The following ATG5 variants were observed in gnomAD, a reference collection of about 807,000 sequenced individuals.
ATG5 encodes autophagy related 5, also known as autophagy protein 5.
A neutral mutation model predicts 36.5 loss-of-function variants in ATG5; 14 were observed. That is an observed-to-expected ratio of 0.38 (90% CI 0.25 to 0.60). The LOEUF (loss-of-function observed/expected upper bound fraction) is 0.60, where lower values mean the gene tolerates loss of function less well. Among genes scored for constraint, ATG5 ranks in the 20% least tolerant of loss-of-function variants. The pLI is 0.60. For synonymous variants in ATG5, 95 were observed against 101.5 expected (o/e 0.94, Z 0.38); for missense variants, 195 against 326.7 (o/e 0.60, Z 3.11).
intron 6 of ATG5, among the ~76,000 whole-genome samples, chr6:106,246,315 C>T (rs907378034): frequency 1.3e-5 from 2 of 151,788 alleles, no homozygotes; most frequent in African/African-American, 4.8e-5. Flanking sequence ...ATTCTCTACC[C>T]TCCCACTTTC....
chr6:106,211,290 G>A (rs183857072), intron 6 of ATG5, among the ~76,000 whole-genome samples: 5 of 152,322 alleles, frequency 3.3e-5, no homozygotes, highest in Admixed American at 2.0e-4. Context: ...GATGCACAAT[G>A]CACTGGGTTG....
intron 5 of ATG5, among the ~76,000 whole-genome samples, chr6:106,256,143 T>G (rs2114536836): frequency 6.6e-6 from 1 of 152,306 alleles, no homozygotes; most frequent in South Asian, 2.1e-4. Context: ...TTCACTGTAA[T>G]CTTTCCAACA....
At chr6:106,198,464 G>A (rs1164279349) in intron 7 of ATG5, among the ~76,000 whole-genome samples, 3 of 152,046 alleles carry the variant, frequency 2.0e-5, no homozygotes, top group African/African-American at 7.2e-5. Context: ...AAAATTAAAT[G>A]CTTTTATCCT....
intron 6 of ATG5, among the ~76,000 whole-genome samples, chr6:106,246,390 TCTCACACACACACACACA>T (rs1236541824): frequency 5.9e-4 from 67 of 113,522 alleles, no homozygotes; most frequent in Admixed American, 5.3e-3. Context: ...TCTCTCTCTC[TCTCACACACACACACACA>T]CACACACACA....
chr6:106,275,702 C>A (rs1285327406), intron 5 of ATG5, among the ~76,000 whole-genome samples: 1 of 152,080 alleles, frequency 6.6e-6, no homozygotes, highest in East Asian at 1.9e-4. Flanking sequence ...GTAATAAATG[C>A]AGTTATTAGA....
At chr6:106,284,629 A>G (rs1780004807) in intron 4 of ATG5, among the ~76,000 whole-genome samples, 1 of 152,156 alleles carries the variant, frequency 6.6e-6, no homozygotes, top group African/African-American at 2.4e-5. Context: ...TGCTGGGATT[A>G]TAGGCATGAG....
intron 5 of ATG5, among the ~76,000 whole-genome samples, chr6:106,273,123 TG>T (rs1325442075): frequency 3.3e-5 from 5 of 152,194 alleles, no homozygotes; most frequent in African/African-American, 9.7e-5. Context: ...AGTCTTTCAA[TG>T]AGAAAAAAGG....
intron 7 of ATG5, among the ~76,000 whole-genome samples, chr6:106,197,542 G>A (rs777579046): frequency 5.3e-5 from 8 of 150,018 alleles, no homozygotes; most frequent in African/African-American, 1.5e-4. Flanking sequence ...GGGGGCGGGG[G>A]TGGATCCCTC....
intron 5 of ATG5, among the ~76,000 whole-genome samples, chr6:106,263,393 G>A (rs1484501977): frequency 3.3e-5 from 5 of 152,234 alleles, no homozygotes; most frequent in African/African-American, 1.2e-4. Flanking sequence ...GCACCTGGGG[G>A]AAGGGGCGGC....
In ATG5 at chr6:106,205,101, A is replaced by G. The variant is rs560547212; in HGVS notation, c.574-3012T>C. ...TTTAGCAAAGGAAGTAATGTTGGTG[A>G]AAGGCTTTTTCTGACGACTAATGGA... On this transcript the variant is annotated intron_variant, in intron 6 of 7. Coordinates refer to ENST00000369076, the MANE Select transcript of ATG5 (RefSeq NM_004849.4). Among the ~76,000 whole-genome samples the G allele has an allele frequency of 1.4e-4, 21 of 152,344 alleles. No individual in the cohort carries two copies. In the South Asian group the frequency reaches 4.3e-3, roughly 32 times the overall value.
chr6:106,184,862 G>GA lies in ATG5; in HGVS notation c.*1677dup, dbSNP rs1420233619. The GA allele has an allele frequency of 2.0e-5, 3 of 152,246 alleles. No homozygotes were observed. The highest frequency in any genetic ancestry group is 2.9e-5 in the Non-Finnish European group (2 of 67,996). 9.4% of individuals were successfully genotyped at this position (152,246 alleles called of 1,614,324 possible). ...TTCAATCTGTCAAAACATCAAGGGG[G>GA]AAAATCCCCAAAATGAACCGACGAA... On this transcript the variant is annotated 3_prime_UTR_variant, in exon 8 of 8. Coordinates refer to ENST00000369076, the MANE Select transcript of ATG5 (RefSeq NM_004849.4).
chr6:106,228,741 A>G (rs1447945725), intron 6 of ATG5, among the ~76,000 whole-genome samples: 2 of 152,158 alleles, frequency 1.3e-5, no homozygotes, highest in African/African-American at 4.8e-5. Flanking sequence ...ATCCCTTAGA[A>G]TTGGAGGAAA....
chr6:106,245,487 G>A (rs996849364), intron 6 of ATG5, among the ~76,000 whole-genome samples: 1 of 151,984 alleles, frequency 6.6e-6, no homozygotes, highest in African/African-American at 2.4e-5. Context: ...TTTTTCATTT[G>A]TTCACTGAGG....
chr6:106,290,477 C>T (rs1402656028), intron 4 of ATG5, among the ~76,000 whole-genome samples: 6 of 151,282 alleles, frequency 4.0e-5, no homozygotes, highest in African/African-American at 1.2e-4. Flanking sequence ...CACACCACTG[C>T]GCCCAGCTAA....
intron 6 of ATG5, among the ~76,000 whole-genome samples, chr6:106,208,849 A>C (rs1776742789): frequency 6.6e-6 from 1 of 152,250 alleles, no homozygotes; most frequent in Admixed American, 6.5e-5. Context: ...AAATAATCCA[A>C]TTAGAAAATG....
intron 6 of ATG5, 88 bp from the exon 7 acceptor site, chr6:106,202,177 A>T: frequency 1.0e-6 from 1 of 960,044 alleles, no homozygotes; most frequent in Non-Finnish European, 1.6e-6. Flanking sequence ...TTATGTTGGC[A>T]TTAGGTGCCT....
chr6:106,285,145 C>A (rs550957925), intron 4 of ATG5, among the ~76,000 whole-genome samples: 2 of 152,184 alleles, frequency 1.3e-5, no homozygotes, highest in African/African-American at 4.8e-5. Context: ...TAACTTCTAT[C>A]GATCTGTCTT....
At chr6:106,296,491 TA>T (rs771668824) in intron 3 of ATG5, among the ~76,000 whole-genome samples, 6 of 152,170 alleles carry the variant, frequency 3.9e-5, no homozygotes, top group Non-Finnish European at 8.8e-5. Flanking sequence ...ATGTGTTGCC[TA>T]AAGTATTGAA....
At chr6:106,220,671 C>G (rs1052351120) in intron 6 of ATG5, among the ~76,000 whole-genome samples, 3 of 152,038 alleles carry the variant, frequency 2.0e-5, no homozygotes, top group Admixed American at 6.5e-5. Flanking sequence ...AAAGAAGGAA[C>G]CACTACCAAG....
Sources: gnomAD v4.1 joint callset for allele counts (sites outside exome capture counted in the v4.1 genomes callset) on GRCh38, gnomAD v4.1.1 for gene constraint, MANE v1.5 for transcripts, NCBI Gene and HGNC (gene_info 2026-07-23, HGNC 2026-07-21) for gene names.